Variants in XYLT1 observed in about 807,000 individuals in gnomAD.
XYLT1 encodes the protein xylosyltransferase 1, also known as beta-D-xylosyltransferase 1.
Under a neutral mutation model 91.3 loss-of-function variants are expected in XYLT1, and 36 were observed. That is an observed-to-expected ratio of 0.39 (90% CI 0.30 to 0.52). XYLT1 has a LOEUF of 0.52. XYLT1 is among the 20% of genes least tolerant of loss of function. XYLT1 has a pLI of 0.68. For synonymous variants in XYLT1, 588 were observed against 532.0 expected (o/e 1.11, Z -1.45); for missense variants, 1,242 against 1,284.5 (o/e 0.97, Z 0.51).
At chr16:17,319,197 C>T (rs2034680460) in intron 2 of XYLT1, among the ~76,000 whole-genome samples, 1 of 152,058 alleles carries the variant, frequency 6.6e-6, no homozygotes, top group Admixed American at 6.6e-5. Flanking sequence ...TTGGGAAGGG[C>T]TTACTTTCAA....
At chr16:17,288,842 T>C (rs1440454632) in intron 2 of XYLT1, among the ~76,000 whole-genome samples, 1 of 152,124 alleles carries the variant, frequency 6.6e-6, no homozygotes, top group Non-Finnish European at 1.5e-5. Flanking sequence ...AGAAGAACCA[T>C]CTAGCTCACC....
intron 1 of XYLT1, among the ~76,000 whole-genome samples, chr16:17,454,601 A>G (rs1197449528): frequency 1.3e-5 from 2 of 151,898 alleles, no homozygotes; most frequent in Non-Finnish European, 2.9e-5. Flanking sequence ...CAGTGGCACA[A>G]TCTTGGCTCA....
At chr16:17,404,538 T>C (rs1344848310) in intron 1 of XYLT1, among the ~76,000 whole-genome samples, 6 of 152,284 alleles carry the variant, frequency 3.9e-5, no homozygotes, top group Admixed American at 6.5e-5. Flanking sequence ...TGGGAATTCA[T>C]CACATGGTGC....
At chr16:17,209,999 A>T (rs2032728613) in intron 3 of XYLT1, among the ~76,000 whole-genome samples, 1 of 152,040 alleles carries the variant, frequency 6.6e-6, no homozygotes. Context: ...GGCTCAAGAG[A>T]TCCTCCTACC....
Position 17,357,172 on chromosome 16 carries a change from C to CAAAA in XYLT1, c.402+836_402+839dup, listed in dbSNP as rs1168668915. 7.5e-3 allele frequency among the ~76,000 whole-genome samples: 311 copies of CAAAA among 41,668 alleles called. 75 individuals are homozygous for CAAAA. The highest frequency in any genetic ancestry group is 0.011 in the South Asian group (6 of 562). The allele number at this position is 41,668 out of a possible 152,430, so 27.3% of individuals were successfully genotyped here. ...AGCCTGGGCAACAGAGACTCGGTCT[C>CAAAA]AAAAAAAAAAAAAAAAAAAAAAAAA... On this transcript the variant is annotated intron_variant, in intron 2 of 11. Coordinates refer to ENST00000261381, the MANE Select transcript of XYLT1 (RefSeq NM_022166.4).
At chr16:17,297,073 G>A (rs2034322876) in intron 2 of XYLT1, among the ~76,000 whole-genome samples, 1 of 152,094 alleles carries the variant, frequency 6.6e-6, no homozygotes, top group Non-Finnish European at 1.5e-5. Flanking sequence ...TATGTTTATC[G>A]AATTCTCCTA....
intron 7 of XYLT1, chr16:17,138,841 T>C: frequency 3.9e-6 from 1 of 255,458 alleles, no homozygotes; most frequent in East Asian, 7.6e-5. Context: ...GCTGCCCATG[T>C]GGTCCAACTC....
intron 2 of XYLT1, among the ~76,000 whole-genome samples, chr16:17,298,389 T>C (rs1362432032): frequency 6.6e-6 from 1 of 152,186 alleles, no homozygotes; most frequent in African/African-American, 2.4e-5. Context: ...GCACGCCTGG[T>C]GGCGAGTGCC....
chr16:17,196,352 G>C (rs1053861928), intron 5 of XYLT1, among the ~76,000 whole-genome samples: 2 of 152,102 alleles, frequency 1.3e-5, no homozygotes, highest in African/African-American at 4.8e-5. Context: ...TAATATTTTA[G>C]GTATAAGCAT....
chr16:17,422,584 A>G (rs2036263227), intron 1 of XYLT1, among the ~76,000 whole-genome samples: 1 of 152,110 alleles, frequency 6.6e-6, no homozygotes, highest in Admixed American at 6.5e-5. Context: ...ATCTTGGCTC[A>G]CTGCAGCCTC....
At chr16:17,245,204 A>T (rs1402519453) in intron 3 of XYLT1, among the ~76,000 whole-genome samples, 1 of 152,206 alleles carries the variant, frequency 6.6e-6, no homozygotes, top group Non-Finnish European at 1.5e-5. Context: ...GAGGAATTAG[A>T]TTTTAACAAG....
At chr16:17,180,088 A>C (rs945190444) in intron 5 of XYLT1, among the ~76,000 whole-genome samples, 4 of 152,220 alleles carry the variant, frequency 2.6e-5, no homozygotes, top group Non-Finnish European at 5.9e-5. Flanking sequence ...TTAAAGGAGA[A>C]CATAGAAGAA....
chr16:17,125,062 G>T (rs951649534), intron 10 of XYLT1, among the ~76,000 whole-genome samples: 1 of 151,782 alleles, frequency 6.6e-6, no homozygotes, highest in African/African-American at 2.4e-5. Context: ...CTTAATAGTC[G>T]AACTTCTTAA....
chr16:17,251,682 G>A (rs1399584380), intron 3 of XYLT1, among the ~76,000 whole-genome samples: 1 of 152,164 alleles, frequency 6.6e-6, no homozygotes, highest in Non-Finnish European at 1.5e-5. Flanking sequence ...GGCAGAAAAA[G>A]CTGTGTCACC....
At chr16:17,454,375 AC>A (rs2036707404) in intron 1 of XYLT1, among the ~76,000 whole-genome samples, 1 of 152,176 alleles carries the variant, frequency 6.6e-6, no homozygotes. Flanking sequence ...GGGTTAGCAA[AC>A]TTTTTGGTAA....
intron 2 of XYLT1, among the ~76,000 whole-genome samples, chr16:17,297,950 G>A (rs1310162167): frequency 6.6e-6 from 1 of 152,002 alleles, no homozygotes; most frequent in African/African-American, 2.4e-5. Context: ...GAACCCGGGA[G>A]GTGGAGCTTG....
intron 1 of XYLT1, among the ~76,000 whole-genome samples, chr16:17,379,753 T>TCACA (rs1221357179): frequency 0.014 from 1,765 of 128,292 alleles, 10 homozygotes; most frequent in Non-Finnish European, 0.02. Context: ...TCTCTCTCTC[T>TCACA]CTCTCTCTCT....
intron 2 of XYLT1, chr16:17,355,048 G>A (rs1465472431): frequency 6.6e-6 from 1 of 152,560 alleles, no homozygotes; most frequent in African/African-American, 2.4e-5. Context: ...ATCGTTTGCA[G>A]ACAAATTGAA....
chr16:17,183,069 A>T (rs1049852836), intron 5 of XYLT1, among the ~76,000 whole-genome samples: 3 of 152,196 alleles, frequency 2.0e-5, no homozygotes, highest in Non-Finnish European at 2.9e-5. Context: ...CTTACACAAC[A>T]CACTGCATAA....
Sources: gnomAD v4.1 joint callset for allele counts (sites outside exome capture counted in the v4.1 genomes callset) on GRCh38, gnomAD v4.1.1 for gene constraint, MANE v1.5 for transcripts, NCBI Gene and HGNC (gene_info 2026-07-23, HGNC 2026-07-21) for gene names.